Variants in ABTB3 observed in about 807,000 individuals in gnomAD.
ABTB3 encodes the protein ankyrin repeat- and BTB/POZ domain-containing protein 3.
the ABTB3 span, among the ~76,000 whole-genome samples, chr12:107,502,767 G>A: frequency 2.0e-5 from 3 of 152,052 alleles, no homozygotes; most frequent in Non-Finnish European, 4.4e-5. Flanking sequence ...GTGTGCACGC[G>A]AGGGATCTAG....
the ABTB3 span, among the ~76,000 whole-genome samples, chr12:107,448,657 T>G: frequency 6.6e-6 from 1 of 151,450 alleles, no homozygotes; most frequent in Non-Finnish European, 1.5e-5. Context: ...TTTTTTTTTT[T>G]GAGGTGCAGT....
chr12:107,453,485 G>T, the ABTB3 span, among the ~76,000 whole-genome samples: 1 of 152,126 alleles, frequency 6.6e-6, no homozygotes, highest in Non-Finnish European at 1.5e-5. Flanking sequence ...CAGAAAGAAA[G>T]TGCCAACTAT....
chr12:107,386,514 A>G, the ABTB3 span, among the ~76,000 whole-genome samples: 1 of 152,240 alleles, frequency 6.6e-6, no homozygotes, highest in African/African-American at 2.4e-5. Context: ...AGCCGTCAAC[A>G]GAAGGGAGGT....
the ABTB3 span, among the ~76,000 whole-genome samples, chr12:107,333,683 C>CGTAG: frequency 1.3e-3 from 193 of 152,222 alleles, 1 homozygote; most frequent in African/African-American, 4.3e-3. Context: ...TTATCGAGAG[C>CGTAG]CTACTATATA....
At chr12:107,543,786 C>G in the ABTB3 span, 8 of 669,968 alleles carry the variant, frequency 1.2e-5, no homozygotes, top group Non-Finnish European at 1.7e-5. Context: ...CCATTCCTCT[C>G]TGCTTGGTGA....
chr12:107,496,536 CA>C, the ABTB3 span, among the ~76,000 whole-genome samples: 1 of 152,176 alleles, frequency 6.6e-6, no homozygotes, highest in African/African-American at 2.4e-5. Flanking sequence ...ACCGATAAAA[CA>C]TTGAGAGCTT....
the ABTB3 span, among the ~76,000 whole-genome samples, chr12:107,654,815 TACACACACACACACAC>T: frequency 1.3e-3 from 181 of 141,292 alleles, 1 homozygote; most frequent in Admixed American, 3.4e-3. Context: ...CTACATTGTA[TACACACACACACACAC>T]ACACACACAC....
chr12:107,397,977 T>C, the ABTB3 span, among the ~76,000 whole-genome samples: 4 of 152,284 alleles, frequency 2.6e-5, no homozygotes, highest in African/African-American at 9.6e-5. Flanking sequence ...TAGGAATAAT[T>C]CCTTAATCAT....
chr12:107,324,758 C>A, the ABTB3 span, among the ~76,000 whole-genome samples: 1 of 151,958 alleles, frequency 6.6e-6, no homozygotes, highest in Non-Finnish European at 1.5e-5. Flanking sequence ...AAGCCATAGG[C>A]ATTCTTGAAT....
chr12:107,373,770 C>A, the ABTB3 span, among the ~76,000 whole-genome samples: 1 of 152,170 alleles, frequency 6.6e-6, no homozygotes, highest in East Asian at 1.9e-4. Context: ...CTGTGGGACC[C>A]GGCACTTTCT....
chr12:107,487,686 G>A, the ABTB3 span, among the ~76,000 whole-genome samples: 1 of 152,270 alleles, frequency 6.6e-6, no homozygotes, highest in South Asian at 2.1e-4. Flanking sequence ...GATCTTCAAG[G>A]AAACCTATTT....
the ABTB3 span, among the ~76,000 whole-genome samples, chr12:107,485,570 T>C: frequency 3.9e-5 from 6 of 152,126 alleles, no homozygotes; most frequent in Non-Finnish European, 7.4e-5. Flanking sequence ...GCAATGAAAA[T>C]AGCAGAAGGC....
the ABTB3 span, among the ~76,000 whole-genome samples, chr12:107,369,706 GGTTTTTTTT>G: frequency 1.5e-4 from 11 of 74,776 alleles, no homozygotes; most frequent in African/African-American, 4.1e-4. Flanking sequence ...GCCCAAACAT[GGTTTTTTTT>G]TTTTTTTTTT....
At chr12:107,547,769 C>T in the ABTB3 span, among the ~76,000 whole-genome samples, 4 of 152,200 alleles carry the variant, frequency 2.6e-5, no homozygotes, top group South Asian at 4.1e-4. Flanking sequence ...CCTCTTTGAA[C>T]TTCCATTTGT....
the ABTB3 span, among the ~76,000 whole-genome samples, chr12:107,338,689 G>A: frequency 5.3e-5 from 8 of 152,306 alleles, no homozygotes; most frequent in East Asian, 1.2e-3. Flanking sequence ...ATATGAAGTT[G>A]TTCTGTCCCC....
At chr12:107,431,715 G>A in the ABTB3 span, among the ~76,000 whole-genome samples, 2 of 152,236 alleles carry the variant, frequency 1.3e-5, no homozygotes, top group Non-Finnish European at 2.9e-5. Flanking sequence ...GGGCCATGTG[G>A]CCAAATACAT....
At chr12:107,539,634 T>A in the ABTB3 span, among the ~76,000 whole-genome samples, 3 of 152,086 alleles carry the variant, frequency 2.0e-5, no homozygotes, top group Non-Finnish European at 4.4e-5. Flanking sequence ...CCCCTCTCTG[T>A]CCCATGTACC....
At chr12:107,546,170 C>T in the ABTB3 span, among the ~76,000 whole-genome samples, 3 of 152,178 alleles carry the variant, frequency 2.0e-5, no homozygotes, top group Non-Finnish European at 4.4e-5. Context: ...TCTGTTTTGG[C>T]CATCACTCCT....
the ABTB3 span, among the ~76,000 whole-genome samples, chr12:107,508,066 AGATG>A: frequency 0.22 from 32,189 of 146,748 alleles, 3,784 homozygotes; most frequent in African/African-American, 0.34. Context: ...AAGGGTAGAA[AGATG>A]GATGGATGGA....
Sources: allele counts gnomAD v4.1 joint callset (sites outside exome capture counted in the v4.1 genomes callset), GRCh38; gene constraint gnomAD v4.1.1; transcripts MANE v1.5; gene names NCBI Gene and HGNC (gene_info 2026-07-23, HGNC 2026-07-21).